TMEM72: variants seen among roughly 807,000 people sequenced by gnomAD.
TMEM72 encodes transmembrane protein 72, also known as kidney-specific secretory protein of 37 kDa.
In TMEM72, 9 loss-of-function variants were observed where a neutral mutation model predicts 16.3. The ratio of observed to expected loss-of-function variants is 0.55; its 90% CI spans 0.33 to 0.96. TMEM72 has a LOEUF of 0.96. Among genes scored for constraint, TMEM72 ranks in the 40% least tolerant of loss-of-function variants. The pLI is 0.03. For missense variants in TMEM72, 324 were observed against 337.8 expected (o/e 0.96, Z 0.32); for synonymous variants, 160 against 146.5 (o/e 1.09, Z -0.66).
chr10:44,932,056 G>C lies in TMEM72; in HGVS notation c.196G>C (p.Ala66Pro), dbSNP rs1332013033. 6.2e-7 allele frequency: 1 copy of C among 1,613,058 alleles called. No homozygotes were observed. The highest frequency in any genetic ancestry group is 2.2e-5 in the East Asian group (1 of 44,886). ...EGAYFVAQLL[A>P]ICFQCQPGSL... ...GGCCTACTTTGTGGCTCAGCTGCTG[G>C]CCATCTGCTTCCAGTAAGTAGTTTC... Residue 66 changes from alanine (A) to proline (P), a missense_variant, in exon 3 of 5, where the codon GCC becomes CCC. By Grantham distance (27) the Ala-to-Pro change is conservative. Transcript: ENST00000389583.
intron 1 of TMEM72, among the ~76,000 whole-genome samples, chr10:44,926,720 G>A (rs573657684): frequency 6.6e-5 from 10 of 152,192 alleles, no homozygotes; most frequent in East Asian, 3.9e-4. Context: ...AAACATAACC[G>A]CCTCTTCTCA....
At chr10:44,920,934 C>T (rs888514916) in intron 1 of TMEM72, among the ~76,000 whole-genome samples, 3 of 152,144 alleles carry the variant, frequency 2.0e-5, no homozygotes, top group African/African-American at 7.2e-5. Flanking sequence ...ATGCTGAGAC[C>T]AGAGCTCCAG....
At position 44,932,915 on chromosome 10, in the gene TMEM72, AAG is replaced by A. The variant is rs769510819; in HGVS notation, c.210-717_210-716del. ...CCATGGCAGTCCAGCCTGCGAGCAT[AAG>A]AGAGCAGTGCTTTGGGCCACCTGGA... On this transcript the variant is annotated intron_variant, in intron 3 of 4. Transcript: ENST00000389583. 2.0e-5 allele frequency among the ~76,000 whole-genome samples: 3 copies of A among 152,298 alleles called. No individual in the cohort carries two copies. In the East Asian group the frequency reaches 5.8e-4, roughly 29 times the overall value.
chr10:44,918,820 T>C (rs1398646098), intron 1 of TMEM72, among the ~76,000 whole-genome samples: 1 of 152,104 alleles, frequency 6.6e-6, no homozygotes, highest in African/African-American at 2.4e-5. Context: ...AAAAGAGACC[T>C]GAGAGAGCTC....
At chr10:44,920,219 T>C (rs1840074667) in intron 1 of TMEM72, 1 of 152,280 alleles carries the variant, frequency 6.6e-6, no homozygotes, top group Admixed American at 6.5e-5. Flanking sequence ...CCAAGGTTAG[T>C]GTGGCCTCTG....
chr10:44,932,092 C>T (rs1564438703), intron 3 of TMEM72, 23 bp downstream of exon 3: 4 of 1,608,044 alleles, frequency 2.5e-6, no homozygotes, highest in Non-Finnish European at 3.4e-6. Flanking sequence ...CAGAGAGACC[C>T]CTCCATTGTC....
chr10:44,918,827 G>C lies in TMEM72; in HGVS notation c.70+7245G>C, dbSNP rs144127080. Among the ~76,000 whole-genome samples the C allele has an allele frequency of 2.1e-3, 319 of 152,200 alleles. 4 individuals are homozygous for C. The highest frequency in any genetic ancestry group is 7.3e-3 in the African/African-American group (304 of 41,474). On this transcript the variant is annotated intron_variant, in intron 1 of 4. Coordinates refer to ENST00000389583, the MANE Select transcript of TMEM72 (RefSeq NM_001123376.3). Reference sequence around the variant, plus strand: ...GCCCTTATAAAAGAGACCTGAGAGAGCTCCCTAGGCCCTTCTATCATACAA... The same window carrying C: ...GCCCTTATAAAAGAGACCTGAGAGACCTCCCTAGGCCCTTCTATCATACAA...
intron 1 of TMEM72, among the ~76,000 whole-genome samples, chr10:44,919,679 C>A (rs765061244): frequency 6.6e-6 from 1 of 152,152 alleles, no homozygotes; most frequent in Non-Finnish European, 1.5e-5. Context: ...GGTCAGAAGG[C>A]TCAATATCGT....
intron 1 of TMEM72, among the ~76,000 whole-genome samples, chr10:44,925,991 A>G (rs577971214): frequency 1.3e-5 from 2 of 152,024 alleles, no homozygotes; most frequent in Admixed American, 6.6e-5. Flanking sequence ...ACTCACACTC[A>G]CATATTCACA....
At chr10:44,918,691 C>A (rs771456199) in intron 1 of TMEM72, among the ~76,000 whole-genome samples, 7 of 152,070 alleles carry the variant, frequency 4.6e-5, no homozygotes, top group Non-Finnish European at 8.8e-5. Flanking sequence ...TGTAACTTAC[C>A]ATGTGTTATG....
At chr10:44,914,736 T>C (rs1045594251) in intron 1 of TMEM72, among the ~76,000 whole-genome samples, 3 of 152,116 alleles carry the variant, frequency 2.0e-5, no homozygotes, top group African/African-American at 7.2e-5. Context: ...AAAGGGGTCC[T>C]GGGAAATGGA....
At chr10:44,920,712 T>C (rs1420744881) in intron 1 of TMEM72, among the ~76,000 whole-genome samples, 1 of 152,242 alleles carries the variant, frequency 6.6e-6, no homozygotes, top group Non-Finnish European at 1.5e-5. Flanking sequence ...ATAGCTTTCC[T>C]AGCCATCGTC....
chr10:44,930,470 A>G (rs1234605524), intron 2 of TMEM72, among the ~76,000 whole-genome samples: 1 of 152,182 alleles, frequency 6.6e-6, no homozygotes, highest in African/African-American at 2.4e-5. Flanking sequence ...TAGTTTCCTC[A>G]TCGGTAAACT....
intron 4 of TMEM72, among the ~76,000 whole-genome samples, chr10:44,934,117 T>C (rs1203164377): frequency 6.6e-6 from 1 of 152,038 alleles, no homozygotes; most frequent in Non-Finnish European, 1.5e-5. Context: ...CCCTTCTGAA[T>C]CTCCCCAGTG....
chr10:44,925,869 T>C (rs1219748195), intron 1 of TMEM72, among the ~76,000 whole-genome samples: 1 of 152,124 alleles, frequency 6.6e-6, no homozygotes, highest in Non-Finnish European at 1.5e-5. Context: ...TAAATGGCCA[T>C]TTGCCTGCAC....
intron 1 of TMEM72, among the ~76,000 whole-genome samples, chr10:44,914,033 A>G (rs994705387): frequency 6.6e-6 from 1 of 152,062 alleles, no homozygotes; most frequent in African/African-American, 2.4e-5. Flanking sequence ...TCTTCCCTGG[A>G]CCCCCTGCAG....
chr10:44,926,385 T>C (rs1165339630), intron 1 of TMEM72, among the ~76,000 whole-genome samples: 1 of 152,202 alleles, frequency 6.6e-6, no homozygotes. Context: ...CCACTGAGCC[T>C]CACTGTCCTC....
At chr10:44,924,525 GC>G (rs5784658) in intron 1 of TMEM72, among the ~76,000 whole-genome samples, 76,967 of 152,116 alleles carry the variant, frequency 0.51, 20,687 homozygotes, top group Non-Finnish European at 0.61. Flanking sequence ...GCCAGGAGCC[GC>G]CCCCCAAGGA....
chr10:44,935,282 G>T lies in TMEM72; in HGVS notation c.*148G>T. On this transcript the variant is annotated 3_prime_UTR_variant, in exon 5 of 5. Coordinates refer to ENST00000389583, the MANE Select transcript of TMEM72 (RefSeq NM_001123376.3). Reference sequence around the variant, plus strand: ...TGGGCCCCTGAGGCCATCAGGAGGTGTGACTGGCCAGCATTTCTGGAGAGG... The same window carrying T: ...TGGGCCCCTGAGGCCATCAGGAGGTTTGACTGGCCAGCATTTCTGGAGAGG... The T allele has an allele frequency of 2.8e-6, 2 of 724,740 alleles. No individual in the cohort carries two copies. Among genetic ancestry groups the T allele is most frequent in the Non-Finnish European group, 2.1e-6 (1 of 466,976 alleles). The allele number at this position is 724,740 out of a possible 1,614,324, so 44.9% of individuals were successfully genotyped here.
Sources: allele counts gnomAD v4.1 joint callset (sites outside exome capture counted in the v4.1 genomes callset), GRCh38; gene constraint gnomAD v4.1.1; transcripts MANE v1.5; gene names NCBI Gene and HGNC (gene_info 2026-07-23, HGNC 2026-07-21).